Variants in FSCN1 observed in about 807,000 individuals in gnomAD.
FSCN1 encodes the protein fascin actin-bundling protein 1.
A neutral mutation model predicts 39.7 loss-of-function variants in FSCN1; 10 were observed. That is an observed-to-expected ratio of 0.25 (90% confidence interval 0.16 to 0.43). FSCN1 has a LOEUF of 0.43. Ranked by LOEUF, FSCN1 falls within the 20% of genes least tolerant of loss-of-function variation. The probability of loss-of-function intolerance (pLI) is 1.00; values close to 1 mark genes in which losing one functional copy is unlikely to be tolerated. For missense variants in FSCN1, 525 were observed against 723.8 expected, an observed-to-expected ratio of 0.73 and a Z score of 3.15; for synonymous variants, 322 against 320.0, an observed-to-expected ratio of 1.01 and a Z score of -0.07.
Position 5,605,699 on chromosome 7 carries a change from GC to G in FSCN1, c.*228del, listed in dbSNP as rs146589678. The stretch of plus-strand genomic sequence containing the variant: ...CCCTCGGGTCAGCGGCTGCGGCCTG[GC>G]CCTGGGAGGGATTTCAGATGCCCCT... On this transcript the variant is annotated 3_prime_UTR_variant, in exon 5 of 5. Transcript: ENST00000382361. The surrounding 1 kb of genome is among the most constrained non-coding windows in gnomAD (Gnocchi z 6.9). 11,537 of 537,384 alleles carry G rather than the reference GC, an allele frequency of 0.021. 1,047 individuals are homozygous for G. Among genetic ancestry groups the G allele is most frequent in the African/African-American group, 0.2 (10,274 of 52,272 alleles). 33.3% of individuals were successfully genotyped at this position (537,384 alleles called of 1,614,324 possible).
intron 1 of FSCN1, among the ~76,000 whole-genome samples, chr7:5,602,422 G>GAA (rs2080133540): frequency 6.6e-6 from 1 of 151,978 alleles, no homozygotes; most frequent in African/African-American, 2.4e-5. Flanking sequence ...ACAATAGCAT[G>GAA]AACCCCCAGA....
Position 5,599,255 on chromosome 7 carries a change from G to C in FSCN1, c.833-4002G>C, listed in dbSNP as rs796119824. On this transcript the variant is annotated intron_variant, in intron 1 of 4. Coordinates refer to ENST00000382361, the MANE Select transcript of FSCN1 (RefSeq NM_003088.4). This position sits in a 1 kb window ranked among gnomAD's most constrained non-coding sequence, Gnocchi z 5.6. ...GGGCTACCGGCTTAAGGGGCCCCAG[G>C]GAACCTGGGGGGTGGAGCCCAAGGG... Among the ~76,000 whole-genome samples the C allele has an allele frequency of 2.6e-5, 4 of 152,262 alleles. No individual in the cohort carries two copies. The highest frequency in any genetic ancestry group is 9.6e-5 in the African/African-American group (4 of 41,546).
At chr7:5,598,994 C>T (rs542478952) in intron 1 of FSCN1, among the ~76,000 whole-genome samples, 5 of 152,292 alleles carry the variant, frequency 3.3e-5, no homozygotes, top group Admixed American at 1.3e-4. Context: ...TGCAGCCCTG[C>T]GGCTTCTGTG....
At chr7:5,596,874 C>A (rs1785739527) in intron 1 of FSCN1, among the ~76,000 whole-genome samples, 1 of 152,106 alleles carries the variant, frequency 6.6e-6, no homozygotes, top group Admixed American at 6.6e-5. Flanking sequence ...CGACTGGAAA[C>A]CGGGGTGGTA....
intron 1 of FSCN1, among the ~76,000 whole-genome samples, chr7:5,597,692 A>G (rs890536413): frequency 6.6e-6 from 1 of 151,800 alleles, no homozygotes; most frequent in Non-Finnish European, 1.5e-5. Flanking sequence ...AACAAAAAAA[A>G]CAACCAAAAC....
intron 1 of FSCN1, among the ~76,000 whole-genome samples, chr7:5,600,644 A>G (rs1584301977): frequency 6.9e-6 from 1 of 145,844 alleles, no homozygotes; most frequent in South Asian, 2.2e-4. Flanking sequence ...GGCGCCCGGC[A>G]CCACCCCCAG....
intron 1 of FSCN1, among the ~76,000 whole-genome samples, chr7:5,601,083 C>G (rs1268103439): frequency 2.0e-5 from 3 of 151,916 alleles, no homozygotes; most frequent in Non-Finnish European, 4.4e-5. Flanking sequence ...GCCACTGTGC[C>G]CGGCCAGTCC....
At chr7:5,595,611 G>C (rs866555578) in intron 1 of FSCN1, among the ~76,000 whole-genome samples, 15 of 152,222 alleles carry the variant, frequency 9.9e-5, no homozygotes, top group Non-Finnish European at 1.8e-4. Flanking sequence ...GCAGGTATGG[G>C]GGGGGTGCTG....
chr7:5,594,301 C>T (rs1436579328), intron 1 of FSCN1, among the ~76,000 whole-genome samples: 1 of 152,022 alleles, frequency 6.6e-6, no homozygotes, highest in Admixed American at 6.5e-5. Context: ...CCTCCACCTC[C>T]CCGTCTGCCC....
chr7:5,600,461 G>T (rs988973539), intron 1 of FSCN1, among the ~76,000 whole-genome samples: 3 of 152,054 alleles, frequency 2.0e-5, no homozygotes, highest in Non-Finnish European at 4.4e-5. Context: ...AGCAAAACCC[G>T]AAAGCCACCT....
In FSCN1 at chr7:5,606,093, G is replaced by C. The variant is rs1785928374; in HGVS notation, c.*619G>C. ...GCTCCCTTCCCTGGAGCGGCAGGGC[G>C]TGACGGCCACAGGGTCTGCCCGCTG... On this transcript the variant is annotated 3_prime_UTR_variant, in exon 5 of 5. Coordinates refer to ENST00000382361, the MANE Select transcript of FSCN1 (RefSeq NM_003088.4). The surrounding 1 kb of genome is among the most constrained non-coding windows in gnomAD (Gnocchi z 5.1). 6.6e-6 allele frequency: 1 copy of C among 152,250 alleles called. No homozygotes were observed. Among genetic ancestry groups the C allele is most frequent in the South Asian group, 2.1e-4 (1 of 4,832 alleles). 9.4% of individuals were successfully genotyped at this position (152,250 alleles called of 1,614,324 possible). A position where few individuals can be genotyped will look rare whatever the true frequency, so the allele number is the denominator to read the frequency against.
chr7:5,597,375 AT>A (rs557545712), intron 1 of FSCN1, among the ~76,000 whole-genome samples: 4 of 151,002 alleles, frequency 2.6e-5, no homozygotes, highest in Admixed American at 6.6e-5. Flanking sequence ...TCTTAAAAAA[AT>A]TTTTTTTGGC....
Position 5,603,711 on chromosome 7 carries a change from T to G in FSCN1, c.1111+94T>G, listed in dbSNP as rs1461445500. The G allele has an allele frequency of 6.4e-7, 1 of 1,566,158 alleles. No individual in the cohort carries two copies. Among genetic ancestry groups the G allele is most frequent in the African/African-American group, 1.4e-5 (1 of 74,006 alleles). On this transcript the variant is annotated intron_variant, in intron 3 of 4. Coordinates refer to ENST00000382361, the MANE Select transcript of FSCN1 (RefSeq NM_003088.4). The surrounding 1 kb of genome is among the most constrained non-coding windows in gnomAD (Gnocchi z 8.5). ...CTTGGTAGCCCCAGCCAAGGCCTGC[T>G]CTGTGCTGGGCATCCCCCCGGACTG...
chr7:5,593,395 G>T lies in FSCN1; in HGVS notation c.459G>T (p.Ala153=). Residue 153 remains alanine (A), a synonymous_variant, in exon 1 of 5, where the codon GCG becomes GCT. Transcript: ENST00000382361. ...ACAGCGTCACCCGTAAGCGCTACGC[G>T]CACCTGAGCGCGCGGCCGGCCGACG... ...NIYSVTRKRY[A]HLSARPADEI... is the part of the protein sequence containing the mutation. 6.2e-7 allele frequency: 1 copy of T among 1,612,286 alleles called. No individual in the cohort carries two copies. The highest frequency in any genetic ancestry group is 1.7e-5 in the Admixed American group (1 of 60,008).
intron 1 of FSCN1, among the ~76,000 whole-genome samples, chr7:5,598,510 T>C (rs1177653990): frequency 6.6e-6 from 1 of 152,224 alleles, no homozygotes; most frequent in Non-Finnish European, 1.5e-5. Context: ...GAAGTCTCAT[T>C]GAGAAGGAGC....
Position 5,605,578 on chromosome 7 carries a change from C to T in FSCN1, c.*104C>T, listed in dbSNP as rs1162434498. ...GGGCTCCAGGGCGGGAGGCAAGCCCCCTTGCCTTTCAAACTGGAAACCCCA... is the reference window on the plus strand; with the variant it reads ...GGGCTCCAGGGCGGGAGGCAAGCCCTCTTGCCTTTCAAACTGGAAACCCCA... On this transcript the variant is annotated 3_prime_UTR_variant, in exon 5 of 5. Transcript: ENST00000382361. The surrounding 1 kb of genome is among the most constrained non-coding windows in gnomAD (Gnocchi z 6.9). The T allele has an allele frequency of 2.4e-6, 2 of 846,334 alleles. No homozygotes were observed. The highest frequency in any genetic ancestry group is 3.6e-6 in the Non-Finnish European group (2 of 558,340). 52.4% of individuals were successfully genotyped at this position (846,334 alleles called of 1,614,324 possible). A position where few individuals can be genotyped will look rare whatever the true frequency, so the allele number is the denominator to read the frequency against.
chr7:5,600,964 T>G (rs1785819121), intron 1 of FSCN1, among the ~76,000 whole-genome samples: 1 of 131,922 alleles, frequency 7.6e-6, no homozygotes, highest in East Asian at 2.4e-4. Context: ...CTTTTTTTTG[T>G]ATTTTTAGTA....
rs1275744450 is a variant in FSCN1, at chr7:5,599,730, C to T, written c.833-3527C>T. ...CTGAGGCAAGAGGATCCTTTGAGCC[C>T]AGGAGGTGGAGGCTGTAGAGAGCCA... is the stretch of plus-strand genomic sequence containing the variant. On this transcript the variant is annotated intron_variant, in intron 1 of 4. Transcript: ENST00000382361. This position sits in a 1 kb window ranked among gnomAD's most constrained non-coding sequence, Gnocchi z 5.6. Among the ~76,000 whole-genome samples, 1 of 152,010 alleles carries T rather than the reference C, an allele frequency of 6.6e-6. No homozygotes were observed. The highest frequency in any genetic ancestry group is 1.5e-5 in the Non-Finnish European group (1 of 67,984).
chr7:5,596,584 C>T (rs1785734479), intron 1 of FSCN1, among the ~76,000 whole-genome samples: 1 of 151,578 alleles, frequency 6.6e-6, no homozygotes, highest in Non-Finnish European at 1.5e-5. Flanking sequence ...CACCACACTT[C>T]CTGTCTTCTC....
Sources: allele counts gnomAD v4.1 joint callset (sites outside exome capture counted in the v4.1 genomes callset), GRCh38; gene constraint gnomAD v4.1.1; non-coding constraint Gnocchi (gnomAD v3.1); transcripts MANE v1.5; gene names NCBI Gene and HGNC (gene_info 2026-07-23, HGNC 2026-07-21).